The following BRINP2 variants were observed in gnomAD, a reference collection of about 807,000 sequenced individuals.
The protein encoded by BRINP2 is BMP/retinoic acid-inducible neural-specific protein 2.
Under a neutral mutation model 69.2 loss-of-function variants are expected in BRINP2, and 21 were observed. That is an observed-to-expected ratio of 0.30 (90% CI 0.22 to 0.44). BRINP2 has a LOEUF of 0.44. Ranked by LOEUF, BRINP2 falls within the 20% of genes least tolerant of loss-of-function variation. The pLI is 1.00. For synonymous variants in BRINP2, 380 were observed against 394.1 expected, an observed-to-expected ratio of 0.96 and a Z score of 0.42; for missense variants, 877 against 986.0, an observed-to-expected ratio of 0.89 and a Z score of 1.48.
chr1:177,206,664 G>C (rs1406728972), intron 1 of BRINP2, among the ~76,000 whole-genome samples: 1 of 152,168 alleles, frequency 6.6e-6, no homozygotes, highest in Non-Finnish European at 1.5e-5. Flanking sequence ...GAGACAGTGG[G>C]ACAAGAAGAG....
chr1:177,179,010 T>C (rs1406673129), intron 1 of BRINP2, among the ~76,000 whole-genome samples: 1 of 152,196 alleles, frequency 6.6e-6, no homozygotes, highest in African/African-American at 2.4e-5. Context: ...GTAGGTTTGT[T>C]ATTTTATAGA....
At chr1:177,217,382 C>T (rs1649409973) in intron 1 of BRINP2, among the ~76,000 whole-genome samples, 1 of 152,078 alleles carries the variant, frequency 6.6e-6, no homozygotes, top group Non-Finnish European at 1.5e-5. Context: ...TGTCAAACTT[C>T]TCCTGTTTGT....
intron 1 of BRINP2, among the ~76,000 whole-genome samples, chr1:177,179,736 T>C (rs1648194131): frequency 6.6e-6 from 1 of 151,980 alleles, no homozygotes; most frequent in African/African-American, 2.4e-5. Flanking sequence ...CCCAGAGGCA[T>C]GAGTAAAAGG....
At chr1:177,200,077 T>G (rs530505971) in intron 1 of BRINP2, among the ~76,000 whole-genome samples, 1 of 151,966 alleles carries the variant, frequency 6.6e-6, no homozygotes, top group African/African-American at 2.4e-5. Flanking sequence ...GGATCATCTG[T>G]GGTCAGGAGT....
intron 1 of BRINP2, among the ~76,000 whole-genome samples, chr1:177,185,779 G>A (rs1258738589): frequency 1.3e-5 from 2 of 152,166 alleles, no homozygotes; most frequent in Non-Finnish European, 2.9e-5. Flanking sequence ...AACCCAAGCA[G>A]TGTGCCTTGA....
intron 4 of BRINP2, among the ~76,000 whole-genome samples, chr1:177,269,677 C>A (rs1033681791): frequency 3.9e-5 from 6 of 152,200 alleles, no homozygotes; most frequent in African/African-American, 1.4e-4. Flanking sequence ...AAGCCCATTT[C>A]ACTCTGCTCT....
intron 1 of BRINP2, among the ~76,000 whole-genome samples, chr1:177,184,862 A>G (rs1169495758): frequency 1.3e-5 from 2 of 152,154 alleles, no homozygotes; most frequent in African/African-American, 2.4e-5. Context: ...TCAAATGTAT[A>G]TGTTACAAAA....
At chr1:177,242,493 C>T (rs1169690482) in intron 2 of BRINP2, among the ~76,000 whole-genome samples, 2 of 152,120 alleles carry the variant, frequency 1.3e-5, no homozygotes, top group Non-Finnish European at 2.9e-5. Flanking sequence ...ATAACCCATT[C>T]CCTCTACCCC....
chr1:177,269,765 T>C (rs1260169864), intron 4 of BRINP2, among the ~76,000 whole-genome samples: 1 of 152,116 alleles, frequency 6.6e-6, no homozygotes, highest in Non-Finnish European at 1.5e-5. Context: ...GCAGACTGGC[T>C]GGAATGAGGG....
At chr1:177,240,281 A>G (rs1248170298) in intron 2 of BRINP2, among the ~76,000 whole-genome samples, 1 of 152,190 alleles carries the variant, frequency 6.6e-6, no homozygotes, top group Admixed American at 6.5e-5. Context: ...TAGTTGGTTT[A>G]TTAGTAACAG....
chr1:177,175,111 T>G lies in BRINP2; in HGVS notation c.-77+3379T>G, dbSNP rs530727160. ...CTCCACCCAAATGTTCCTCCTGGGGTTTTCTTAGAGCTGGCAAAATGCCAA... is the reference window on the plus strand; with the variant it reads ...CTCCACCCAAATGTTCCTCCTGGGGGTTTCTTAGAGCTGGCAAAATGCCAA... On this transcript the variant is annotated intron_variant, in intron 1 of 7. Coordinates refer to ENST00000361539, the MANE Select transcript of BRINP2 (RefSeq NM_021165.4). Among the ~76,000 whole-genome samples, 5 of 152,206 alleles carry G rather than the reference T, an allele frequency of 3.3e-5. No homozygotes were observed. The East Asian group carries it at 7.7e-4, about 24-fold the overall frequency.
chr1:177,262,054 C>T (rs563104729), intron 4 of BRINP2, among the ~76,000 whole-genome samples: 1 of 152,066 alleles, frequency 6.6e-6, no homozygotes, highest in African/African-American at 2.4e-5. Flanking sequence ...GAAGAAAACT[C>T]GAGGAAGGAA....
chr1:177,252,931 A>T (rs1397659638), intron 2 of BRINP2, among the ~76,000 whole-genome samples: 1 of 152,006 alleles, frequency 6.6e-6, no homozygotes, highest in Non-Finnish European at 1.5e-5. Flanking sequence ...GTAGTATTTC[A>T]TTGTGTATAT....
At chr1:177,206,996 G>A (rs935048575) in intron 1 of BRINP2, among the ~76,000 whole-genome samples, 1 of 152,150 alleles carries the variant, frequency 6.6e-6, no homozygotes, top group Non-Finnish European at 1.5e-5. Flanking sequence ...AGGAGAGGGA[G>A]ATTTCAGCTA....
chr1:177,192,894 G>A (rs1409856045), intron 1 of BRINP2, among the ~76,000 whole-genome samples: 2 of 152,122 alleles, frequency 1.3e-5, no homozygotes, highest in African/African-American at 2.4e-5. Context: ...CTAAAACACA[G>A]ACTAGATTTA....
chr1:177,187,232 C>A (rs1256750336), intron 1 of BRINP2, among the ~76,000 whole-genome samples: 1 of 152,134 alleles, frequency 6.6e-6, no homozygotes, highest in Non-Finnish European at 1.5e-5. Context: ...TATTGTGCCC[C>A]CCTAACCCTC....
intron 1 of BRINP2, among the ~76,000 whole-genome samples, chr1:177,216,735 T>A (rs1649389506): frequency 6.6e-6 from 1 of 151,940 alleles, no homozygotes; most frequent in South Asian, 2.1e-4. Context: ...TTCTCCCTCA[T>A]TTCTGAAAGA....
intron 1 of BRINP2, among the ~76,000 whole-genome samples, chr1:177,194,829 G>A (rs183335637): frequency 1.3e-5 from 2 of 152,120 alleles, no homozygotes; most frequent in Admixed American, 1.3e-4. Flanking sequence ...GACCTGCATG[G>A]CCCAGTAGTC....
rs778837161 is a variant in BRINP2 at position 177,276,358 on chromosome 1, C to T, written c.936C>T (p.Asp312=). 1.9e-6 allele frequency: 3 copies of T among 1,614,238 alleles called. No homozygotes were observed. Among genetic ancestry groups the T allele is most frequent in the Non-Finnish European group, 8.5e-7 (1 of 1,180,042 alleles). The change falls in exon 6 of 8, where the codon GAC becomes GAT. Residue 312 remains aspartate, a synonymous_variant. Transcript: ENST00000361539. ...TFPECNCPDA[D]IQAMEDSLLQ... is the part of the protein sequence containing the mutation. ...CTGAATGCAACTGCCCTGATGCTGACATCCAGGCCATGGAGGACAGCCTGC... is the reference window on the plus strand; with the variant it reads ...CTGAATGCAACTGCCCTGATGCTGATATCCAGGCCATGGAGGACAGCCTGC...
Sources: gnomAD v4.1 joint callset for allele counts (sites outside exome capture counted in the v4.1 genomes callset) on GRCh38, gnomAD v4.1.1 for gene constraint, MANE v1.5 for transcripts, NCBI Gene and HGNC (gene_info 2026-07-23, HGNC 2026-07-21) for gene names.